The following EML6 variants were observed in gnomAD, a reference collection of about 807,000 sequenced individuals.
EML6 encodes the protein EMAP like 6.
EML6 carries 154 observed loss-of-function variants against 240.1 expected under a neutral mutation model. The observed-to-expected ratio is 0.64, with a 90% CI of 0.56 to 0.73. The LOEUF (loss-of-function observed/expected upper bound fraction) is 0.73, where lower values mean the gene tolerates loss of function less well. Among genes scored for constraint, EML6 ranks in the 30% least tolerant of loss-of-function variants. The probability of loss-of-function intolerance (pLI) is 0.00; values close to 1 mark genes in which losing one functional copy is unlikely to be tolerated. For missense variants in EML6, 2,964 were observed against 2,474.6 expected (o/e 1.20, Z -4.20); for synonymous variants, 1,148 against 899.0 (o/e 1.28, Z -4.95).
chr2:54,738,971 G>A (rs529266458), intron 2 of EML6, among the ~76,000 whole-genome samples: 6 of 152,088 alleles, frequency 3.9e-5, no homozygotes, highest in Non-Finnish European at 8.8e-5. Flanking sequence ...GGCCAGATGC[G>A]GTGGCTCACT....
At chr2:54,802,406 G>T (rs574765411) in intron 2 of EML6, among the ~76,000 whole-genome samples, 1 of 151,442 alleles carries the variant, frequency 6.6e-6, no homozygotes, top group Non-Finnish European at 1.5e-5. Context: ...CGGGCAGATC[G>T]CTTGAGCCCA....
intron 17 of EML6, chr2:54,881,018 T>C (rs927372816): frequency 6.6e-6 from 1 of 152,148 alleles, no homozygotes. Context: ...ACTGCCTCTA[T>C]TTAACACAAA....
chr2:54,766,840 GAATTATCTCCT>G lies in EML6; in HGVS notation c.197+41587_197+41597del, dbSNP rs1197054670. ...CATATATGTCCTTTGTTTAGCTTCA[GAATTATCTCCT>G]AATTGTCTTCGTCATTATATGCCTT... On this transcript the variant is annotated intron_variant, in intron 2 of 41. Transcript: ENST00000356458. Among the ~76,000 whole-genome samples, 3 of 152,060 alleles carry G rather than the reference GAATTATCTCCT, an allele frequency of 2.0e-5. 1 individual carries two copies. Among genetic ancestry groups the G allele is most frequent in the African/African-American group, 7.2e-5 (3 of 41,506 alleles).
intron 5 of EML6, among the ~76,000 whole-genome samples, chr2:54,821,260 A>G (rs945030547): frequency 6.6e-6 from 1 of 152,160 alleles, no homozygotes; most frequent in Admixed American, 6.5e-5. Context: ...CTTTTAGTCT[A>G]GTTTTTCACG....
chr2:54,929,385 T>C (rs1674733659), intron 28 of EML6, among the ~76,000 whole-genome samples: 1 of 152,218 alleles, frequency 6.6e-6, no homozygotes, highest in Non-Finnish European at 1.5e-5. Flanking sequence ...GTCAAACACT[T>C]TAGCATTTCT....
intron 2 of EML6, among the ~76,000 whole-genome samples, chr2:54,802,331 A>C (rs184695026): frequency 6.6e-6 from 1 of 152,146 alleles, no homozygotes; most frequent in African/African-American, 2.4e-5. Context: ...TTAACTTGGT[A>C]ATAATTTTAG....
intron 7 of EML6, among the ~76,000 whole-genome samples, chr2:54,836,809 G>C (rs959156430): frequency 1.3e-5 from 2 of 152,160 alleles, no homozygotes; most frequent in African/African-American, 4.8e-5. Context: ...TTTGCACTGG[G>C]CTCCAAAATC....
chr2:54,954,138 G>A lies in EML6; in HGVS notation c.4468G>A (p.Val1490Ile). 6.4e-7 allele frequency: 1 copy of A among 1,551,078 alleles called. No homozygotes were observed. The highest frequency in any genetic ancestry group is 8.7e-7 in the Non-Finnish European group (1 of 1,146,714). The change falls in exon 32 of 42, where the codon GTC becomes ATC. Residue 1490 changes from valine (V) to isoleucine (I), a missense_variant. Val to Ile is a conservative substitution (Grantham distance 29). Coordinates refer to ENST00000356458, the MANE Select transcript of EML6 (RefSeq NM_001039753.4). ...AGTGGACCCTGAGCACACCATCACTGTCTGGCGATGGCAGGAAGGTAAACC... is the reference window on the plus strand; with the variant it reads ...AGTGGACCCTGAGCACACCATCACTATCTGGCGATGGCAGGAAGGTAAACC... The part of the protein sequence containing the change: ...VGVDPEHTIT[V>I]WRWQEGAKVA...
At chr2:54,926,946 T>G (rs148956358) in intron 26 of EML6, among the ~76,000 whole-genome samples, 1 of 152,282 alleles carries the variant, frequency 6.6e-6, no homozygotes, top group East Asian at 1.9e-4. Flanking sequence ...CTCTTTTACT[T>G]CTGTAAAGAA....
chr2:54,839,021 G>A (rs934765123), intron 7 of EML6, among the ~76,000 whole-genome samples: 1 of 152,204 alleles, frequency 6.6e-6, no homozygotes, highest in Non-Finnish European at 1.5e-5. Context: ...AGAATAGAAA[G>A]CAGTATAAGA....
rs912317815 is a variant in EML6, at chr2:54,847,554, C to A, written c.1118C>A (p.Ala373Asp). 1.2e-5 allele frequency: 19 copies of A among 1,552,162 alleles called. No individual in the cohort carries two copies. The Admixed American group carries it at 2.4e-4, about 19-fold the overall frequency. Reference sequence around the variant, plus strand: ...ATGGAAGAGGCGGTTCGCAGTGTAGCTTTCAGCCCCGACGGATCTCAGCTG... The same window carrying A: ...ATGGAAGAGGCGGTTCGCAGTGTAGATTTCAGCCCCGACGGATCTCAGCTG... Reference protein sequence around the residue: ...CNMEEAVRSVAFSPDGSQLAL... With the variant: ...CNMEEAVRSVDFSPDGSQLAL... The change falls in exon 9 of 42, where the codon GCT becomes GAT. Residue 373 changes from alanine (A) to aspartate (D), a missense_variant. Physicochemically the swap from Ala to Asp is moderately radical, Grantham distance 126. Transcript: ENST00000356458.
chr2:54,959,142 C>A lies in EML6; in HGVS notation c.4734C>A (p.Val1578=). 1 of 1,551,540 alleles carries A rather than the reference C, an allele frequency of 6.4e-7. No homozygotes were observed. Among genetic ancestry groups the A allele is most frequent in the East Asian group, 2.4e-5 (1 of 40,896 alleles). Residue 1578 remains valine (V), a synonymous_variant, in exon 34 of 42, where the codon GTC becomes GTA. Transcript: ENST00000356458. ...LTFTGAINGD[V]YVWKDHFLIR... The stretch of plus-strand genomic sequence containing the variant: ...TCACGGGTGCCATCAATGGAGATGT[C>A]TACGTCTGGAAGGACCACTTCCTCA...
intron 26 of EML6, among the ~76,000 whole-genome samples, chr2:54,923,575 C>G (rs578240476): frequency 2.6e-5 from 4 of 152,200 alleles, no homozygotes; most frequent in Middle Eastern, 3.4e-3. Context: ...AAGATACTTA[C>G]CCCTAAATGT....
chr2:54,805,986 A>G (rs916746576), intron 2 of EML6, among the ~76,000 whole-genome samples: 3 of 152,118 alleles, frequency 2.0e-5, no homozygotes, highest in African/African-American at 4.8e-5. Context: ...TATGGATTCA[A>G]TTCTATACCA....
At chr2:54,932,032 AGATCC>A (rs761770136) in intron 28 of EML6, among the ~76,000 whole-genome samples, 16 of 152,358 alleles carry the variant, frequency 1.1e-4, no homozygotes, top group Non-Finnish European at 2.2e-4. Flanking sequence ...GTGAGATTTC[AGATCC>A]TGCTTCTTTG....
intron 2 of EML6, among the ~76,000 whole-genome samples, chr2:54,796,778 C>T (rs540564763): frequency 2.6e-5 from 4 of 152,122 alleles, no homozygotes; most frequent in African/African-American, 9.6e-5. Flanking sequence ...TAAGTGAATG[C>T]ATAGAACAAA....
intron 17 of EML6, among the ~76,000 whole-genome samples, chr2:54,889,066 C>T (rs1394849816): frequency 1.3e-5 from 2 of 152,142 alleles, no homozygotes; most frequent in African/African-American, 4.8e-5. Context: ...CTTTCTCTTG[C>T]TATTTATGTA....
At chr2:54,899,882 A>G in intron 22 of EML6, 100 bp downstream of exon 22, 1 of 1,141,338 alleles carries the variant, frequency 8.8e-7, no homozygotes, top group Non-Finnish European at 1.2e-6. Context: ...CACGTGTTAT[A>G]TGCCCATAAA....
intron 22 of EML6, among the ~76,000 whole-genome samples, 163 bp downstream of exon 22, chr2:54,899,945 A>G (rs1391614041): frequency 2.0e-5 from 3 of 152,226 alleles, no homozygotes; most frequent in African/African-American, 7.2e-5. Flanking sequence ...AACTAAGCAC[A>G]TGTAGAATTA....
Sources: allele counts gnomAD v4.1 joint callset (sites outside exome capture counted in the v4.1 genomes callset), GRCh38; gene constraint gnomAD v4.1.1; transcripts MANE v1.5; gene names NCBI Gene and HGNC (gene_info 2026-07-23, HGNC 2026-07-21).